The following MYT1L variants were observed in gnomAD, a reference collection of about 807,000 sequenced individuals.
MYT1L encodes myelin transcription factor 1-like protein.
Under a neutral mutation model 126.7 loss-of-function variants are expected in MYT1L, and 12 were observed. That is an observed-to-expected ratio of 0.09 (90% CI 0.06 to 0.15). The LOEUF is 0.15. Ranked by LOEUF, MYT1L falls within the 10% of genes least tolerant of loss-of-function variation. MYT1L has a pLI of 1.00. For synonymous variants in MYT1L, 541 were observed against 604.2 expected (o/e 0.90, Z 1.53); for missense variants, 979 against 1,585.2 (o/e 0.62, Z 6.49).
intron 18 of MYT1L, among the ~76,000 whole-genome samples, chr2:1,863,148 CAG>C (rs1454836816): frequency 1.3e-5 from 2 of 152,156 alleles, no homozygotes; most frequent in African/African-American, 4.8e-5. Context: ...GAGAGAAAAA[CAG>C]GGCCTGCTTC....
chr2:2,180,994 TTGTG>T (rs759633327), intron 2 of MYT1L, among the ~76,000 whole-genome samples: 19 of 142,918 alleles, frequency 1.3e-4, no homozygotes, highest in African/African-American at 2.4e-4. Context: ...CTGTGTGTGC[TTGTG>T]TATGTACCTG....
At position 1,814,491 on chromosome 2, in the gene MYT1L, G is replaced by A. The variant is rs566563509; in HGVS notation, c.3081-5324C>T. ...CCCACCACATTGCTATGTGTATCCC[G>A]GTGTCCAGGAGCCTTTGCAGATGGG... On this transcript the variant is annotated intron_variant, in intron 21 of 24. Transcript: ENST00000647738. Among the ~76,000 whole-genome samples, 53 of 152,316 alleles carry A rather than the reference G, an allele frequency of 3.5e-4. No individual in the cohort carries two copies. The South Asian group carries it at 0.011, about 30-fold the overall frequency.
intron 8 of MYT1L, among the ~76,000 whole-genome samples, chr2:1,966,303 C>T (rs1418741332): frequency 2.0e-5 from 3 of 152,338 alleles, no homozygotes; most frequent in East Asian, 3.9e-4. Flanking sequence ...CTAGCAAAGG[C>T]ATTGTTAAAT....
At chr2:2,193,327 T>C (rs1427662250) in intron 2 of MYT1L, among the ~76,000 whole-genome samples, 2 of 152,194 alleles carry the variant, frequency 1.3e-5, no homozygotes, top group African/African-American at 4.8e-5. Flanking sequence ...GTTGTCTTTC[T>C]GGACTTTGAA....
chr2:1,859,423 A>G (rs2044301593), intron 18 of MYT1L, among the ~76,000 whole-genome samples: 1 of 152,152 alleles, frequency 6.6e-6, no homozygotes, highest in Non-Finnish European at 1.5e-5. Flanking sequence ...GACGCAGATG[A>G]GATTTTGGAA....
chr2:2,071,518 C>G (rs565398294), intron 3 of MYT1L, among the ~76,000 whole-genome samples: 4 of 152,106 alleles, frequency 2.6e-5, no homozygotes, highest in African/African-American at 9.7e-5. Flanking sequence ...AAGCTCAGGA[C>G]GCCATGGGCT....
intron 8 of MYT1L, among the ~76,000 whole-genome samples, chr2:1,952,728 C>T (rs1400592647): frequency 1.5e-4 from 5 of 33,602 alleles, no homozygotes; most frequent in Middle Eastern, 0.025. Context: ...CCTTCCTTCC[C>T]TTCCCTCCTT....
chr2:2,315,805 G>A (rs1162876029), intron 1 of MYT1L, among the ~76,000 whole-genome samples: 2 of 152,118 alleles, frequency 1.3e-5, no homozygotes, highest in Non-Finnish European at 2.9e-5. Context: ...TATGTCTTAA[G>A]CATATTTCTA....
At chr2:2,113,150 T>C (rs1935231605) in intron 3 of MYT1L, among the ~76,000 whole-genome samples, 1 of 152,196 alleles carries the variant, frequency 6.6e-6, no homozygotes. Context: ...TGGGAACTAA[T>C]GAAAAGTAAA....
chr2:2,073,654 C>G (rs1251318060), intron 3 of MYT1L, among the ~76,000 whole-genome samples: 1 of 152,186 alleles, frequency 6.6e-6, no homozygotes, highest in Non-Finnish European at 1.5e-5. Context: ...CCGCATCCTG[C>G]CAGTGCGTAT....
intron 2 of MYT1L, among the ~76,000 whole-genome samples, chr2:2,262,647 C>G (rs572442699): frequency 1.5e-5 from 2 of 137,868 alleles, no homozygotes; most frequent in Admixed American, 7.5e-5. Flanking sequence ...GAGCCAAGAT[C>G]GTGCCACTGC....
At chr2:1,869,204 C>T (rs549870455) in intron 18 of MYT1L, among the ~76,000 whole-genome samples, 8 of 145,528 alleles carry the variant, frequency 5.5e-5, no homozygotes, top group African/African-American at 1.9e-4. Context: ...CACACAGTCC[C>T]GGACTTATCC....
In MYT1L at chr2:2,176,907, G is replaced by C. The variant is rs114024003; in HGVS notation, c.-420-3919C>G. On this transcript the variant is annotated intron_variant, in intron 2 of 24. Coordinates refer to ENST00000647738, the MANE Select transcript of MYT1L (RefSeq NM_001303052.2). ...AATGCAATTTGTAACCTGGAAGTATGTATAGATAAAGACATCACATGAATA... is the reference window on the plus strand; with the variant it reads ...AATGCAATTTGTAACCTGGAAGTATCTATAGATAAAGACATCACATGAATA... 4.1e-3 allele frequency among the ~76,000 whole-genome samples: 626 copies of C among 152,310 alleles called. 4 individuals are homozygous for C. The highest frequency in any genetic ancestry group is 0.015 in the African/African-American group (605 of 41,552).
chr2:2,321,341 G>T (rs543103318), intron 1 of MYT1L, among the ~76,000 whole-genome samples: 129 of 152,256 alleles, frequency 8.5e-4, no homozygotes, highest in Non-Finnish European at 1.5e-3. Context: ...CGGTTTGATG[G>T]CTCTCTATGG....
At chr2:2,225,957 T>C (rs1218452279) in intron 2 of MYT1L, among the ~76,000 whole-genome samples, 1 of 151,676 alleles carries the variant, frequency 6.6e-6, no homozygotes, top group Admixed American at 6.6e-5. Context: ...AGAGTGAGGG[T>C]GGAATGGGGA....
chr2:1,969,496 C>A (rs2059643973), intron 8 of MYT1L, among the ~76,000 whole-genome samples: 1 of 152,222 alleles, frequency 6.6e-6, no homozygotes, highest in African/African-American at 2.4e-5. Flanking sequence ...ATTGCCGGTG[C>A]CAGCCTTAGC....
At position 2,204,754 on chromosome 2, in the gene MYT1L, A is replaced by G. The variant is rs1056156019; in HGVS notation, c.-420-31766T>C. ...AAATACCATTTGACCCAGCCATCCCATTACTGGGTATATACCCAAAGGATT... is the reference window on the plus strand; with the variant it reads ...AAATACCATTTGACCCAGCCATCCCGTTACTGGGTATATACCCAAAGGATT... On this transcript the variant is annotated intron_variant, in intron 2 of 24. Transcript: ENST00000647738. Among the ~76,000 whole-genome samples, 250 of 152,016 alleles carry G rather than the reference A, an allele frequency of 1.6e-3. 1 individual carries two copies. Among genetic ancestry groups the G allele is most frequent in the African/African-American group, 5.3e-3 (220 of 41,398 alleles).
intron 2 of MYT1L, among the ~76,000 whole-genome samples, chr2:2,185,367 G>C (rs1284908343): frequency 6.6e-6 from 1 of 152,234 alleles, no homozygotes; most frequent in African/African-American, 2.4e-5. Context: ...GTTCAAATAT[G>C]AGTAACTCAC....
intron 18 of MYT1L, among the ~76,000 whole-genome samples, chr2:1,873,499 C>A (rs901512335): frequency 1.6e-4 from 24 of 152,174 alleles, no homozygotes; most frequent in Non-Finnish European, 2.5e-4. Flanking sequence ...TGATTGAACC[C>A]AAACTCAGTC....
Sources: allele counts gnomAD v4.1 joint callset (sites outside exome capture counted in the v4.1 genomes callset), GRCh38; gene constraint gnomAD v4.1.1; transcripts MANE v1.5; gene names NCBI Gene and HGNC (gene_info 2026-07-23, HGNC 2026-07-21).